Variants in SLC52A3 observed in about 807,000 individuals in gnomAD.
The protein encoded by SLC52A3 is solute carrier family 52 member 3.
Under a neutral mutation model 29.5 loss-of-function variants are expected in SLC52A3, and 20 were observed. That is an observed-to-expected ratio of 0.68 (90% CI 0.48 to 0.99). SLC52A3 has a LOEUF of 0.99. Among genes scored for constraint, SLC52A3 ranks in the 50% least tolerant of loss-of-function variants. SLC52A3 has a pLI of 0.00. For synonymous variants in SLC52A3, 301 were observed against 271.0 expected (o/e 1.11, Z -1.09); for missense variants, 548 against 612.9 (o/e 0.89, Z 1.12).
intron 2 of SLC52A3, among the ~76,000 whole-genome samples, chr20:764,844 C>T (rs927894827): frequency 3.9e-5 from 6 of 152,182 alleles, no homozygotes; most frequent in Admixed American, 2.0e-4. Flanking sequence ...TGGCCTTTAT[C>T]ACCCGAGGAA....
At chr20:774,175 C>A (rs1986939840) in intron 1 of SLC52A3, among the ~76,000 whole-genome samples, 1 of 152,244 alleles carries the variant, frequency 6.6e-6, no homozygotes, top group Admixed American at 6.5e-5. Flanking sequence ...CAGGGATAAT[C>A]TGCCAGCTGG....
rs764423710 is a variant in SLC52A3, at chr20:761,626, C to T, written c.1197+75G>A. 2.7e-4 allele frequency: 433 copies of T among 1,594,164 alleles called. 2 individuals carry two copies. Among genetic ancestry groups the T allele is most frequent in the Admixed American group, 8.9e-5 (5 of 56,348 alleles). On this transcript the variant is annotated intron_variant, in intron 4 of 4. Transcript: ENST00000645534. ...AGACCCCGCTCGCTGGAAAGGGCCG[C>T]GCCCAAGCTCTCCCAGGCCTTGGCT...
chr20:761,096 A>AT lies in SLC52A3; in HGVS notation c.1339dup (p.Met447AsnfsTer60), dbSNP rs1986450542. The AT allele has an allele frequency of 6.2e-7, 1 of 1,608,658 alleles. No individual in the cohort carries two copies. The highest frequency in any genetic ancestry group is 8.5e-7 in the Non-Finnish European group (1 of 1,178,254). On this transcript the variant is annotated frameshift_variant, in exon 5 of 5. Transcript: ENST00000645534. LOFTEE classifies it high-confidence loss of function. ...CCGCAGCACGTTGACCAGAGGGAAC[A>AT]TGAGCAGCGCTCCGAGCAGCGAGCC... is the stretch of plus-strand genomic sequence containing the variant.
intron 3 of SLC52A3, among the ~76,000 whole-genome samples, chr20:763,111 G>A (rs572064400): frequency 6.6e-6 from 1 of 152,182 alleles, no homozygotes; most frequent in Non-Finnish European, 1.5e-5. Flanking sequence ...AAGCCTCAGG[G>A]TTTCCCCTTA....
chr20:761,314 G>C (rs777993030), intron 4 of SLC52A3, 76 bp from the exon 5 acceptor site: 850 of 1,418,876 alleles, frequency 6.0e-4, no homozygotes, highest in Non-Finnish European at 7.5e-4. Context: ...ACTCTCACAG[G>C]GCTCAGGGGA....
chr20:777,944 A>G (rs1253896519), upstream of SLC52A3, among the ~76,000 whole-genome samples: 1 of 152,142 alleles, frequency 6.6e-6, no homozygotes, highest in East Asian at 1.9e-4. Context: ...TCTATCAAGG[A>G]AATCTACATT....
Position 765,594 on chromosome 20 carries a change from G to C in SLC52A3, c.181C>G (p.Leu61Val). The C allele has an allele frequency of 6.3e-7, 1 of 1,592,468 alleles. No individual in the cohort carries two copies. The highest frequency in any genetic ancestry group is 8.5e-7 in the Non-Finnish European group (1 of 1,170,060). Residue 61 changes from leucine to valine, a missense_variant, in exon 2 of 5, where the codon CTC becomes GTC. Leu to Val is a conservative substitution (Grantham distance 32, BLOSUM62 1). This residue lies in a region of SLC52A3 where 375 missense variants were observed against 471.1 expected (regional missense o/e 0.80). Coordinates refer to ENST00000645534, the MANE Select transcript of SLC52A3 (RefSeq NM_033409.4). The surrounding 1 kb of genome is among the most constrained non-coding windows in gnomAD (Gnocchi z 6.6). ...AGGCAGCTGGGCCGGAAGTGATGGA[G>C]CAGGGTGACCAGGAGGGGCCCGATG... ...ANIGPLLVTL[L>V]HHFRPSCLSE...
In SLC52A3 at chr20:761,018, C is replaced by T. The variant is rs1463046611; in HGVS notation, c.*8G>A. ...CCGTGAGCGATGGGGGCGGGGTCGG[C>T]GGCCTGCCTAGGCTGGACAGTGCAG... On this transcript the variant is annotated 3_prime_UTR_variant, in exon 5 of 5. Transcript: ENST00000645534. 3.1e-6 allele frequency: 5 copies of T among 1,594,488 alleles called. No individual in the cohort carries two copies. Among genetic ancestry groups the T allele is most frequent in the African/African-American group, 2.7e-5 (2 of 74,264 alleles).
chr20:777,300 T>C (rs373332945), upstream of SLC52A3, among the ~76,000 whole-genome samples: 49 of 150,948 alleles, frequency 3.2e-4, 3 homozygotes, highest in East Asian at 5.3e-3. Flanking sequence ...TGGAAAGATA[T>C]CTCAAAAGGC....
intron 3 of SLC52A3, among the ~76,000 whole-genome samples, chr20:762,772 CCTT>C (rs1301346776): frequency 6.6e-6 from 1 of 152,182 alleles, no homozygotes; most frequent in Non-Finnish European, 1.5e-5. Context: ...TCCTCACTGT[CCTT>C]CTTCTGGGCT....
At chr20:771,317 C>A (rs1422195417), upstream of SLC52A3, among the ~76,000 whole-genome samples, 1 of 152,168 alleles carries the variant, frequency 6.6e-6, no homozygotes, top group Admixed American at 6.5e-5. Context: ...ATTCTAGCTA[C>A]TCGGGAGGCT....
Position 761,170 on chromosome 20 carries a change from G to T in SLC52A3, c.1266C>A (p.Arg422=), listed in dbSNP as rs948343485. 2.5e-6 allele frequency: 4 copies of T among 1,576,092 alleles called. No individual in the cohort carries two copies. In the African/African-American group the frequency reaches 5.4e-5, roughly 21 times the overall value. The change falls in exon 5 of 5, where the codon CGC becomes CGA. Residue 422 remains arginine, a synonymous_variant. Coordinates refer to ENST00000645534, the MANE Select transcript of SLC52A3 (RefSeq NM_033409.4). ...YVKVMLGVVL[R]DLSRSALLWC... is the part of the protein sequence containing the mutation. ...ACAAGAGGGCGCTGCGGCTGAGGTCGCGCAGGACCACGCCCAGCATCACCT... is the reference window on the plus strand; with the variant it reads ...ACAAGAGGGCGCTGCGGCTGAGGTCTCGCAGGACCACGCCCAGCATCACCT...
At chr20:767,652 G>A (rs1216262245) in intron 1 of SLC52A3, among the ~76,000 whole-genome samples, 1 of 152,146 alleles carries the variant, frequency 6.6e-6, no homozygotes, top group Non-Finnish European at 1.5e-5. Context: ...ACCGCTCCTG[G>A]CCCTGCCTCT....
Position 768,447 on chromosome 20 carries a change from T to C in SLC52A3, c.-202A>G, listed in dbSNP as rs1395907108. 6.6e-6 allele frequency: 1 copy of C among 152,220 alleles called. No homozygotes were observed. The highest frequency in any genetic ancestry group is 6.5e-5 in the Admixed American group (1 of 15,280). 9.4% of individuals were successfully genotyped at this position (152,220 alleles called of 1,614,324 possible). Reference sequence around the variant, plus strand: ...AAGCGGCCTGTCCGGGACTCCTCAGTTCACGCTGCAGTCTTTAACTCCATA... The same window carrying C: ...AAGCGGCCTGTCCGGGACTCCTCAGCTCACGCTGCAGTCTTTAACTCCATA... On this transcript the variant is annotated 5_prime_UTR_variant, in exon 1 of 5. Coordinates refer to ENST00000645534, the MANE Select transcript of SLC52A3 (RefSeq NM_033409.4).
chr20:770,077 T>C (rs1986803501), upstream of SLC52A3, among the ~76,000 whole-genome samples: 1 of 152,026 alleles, frequency 6.6e-6, no homozygotes, highest in Non-Finnish European at 1.5e-5. This position sits in a 1 kb window ranked among gnomAD's most constrained non-coding sequence, Gnocchi z 4.5. Context: ...GAAAAAAAAG[T>C]GCAGCTCGTT....
At chr20:779,392 C>A (rs552256939), upstream of SLC52A3, among the ~76,000 whole-genome samples, 23 of 152,270 alleles carry the variant, frequency 1.5e-4, no homozygotes, top group East Asian at 3.9e-3. Context: ...GAGGCCAACG[C>A]GGGTGGATCA....
intron 3 of SLC52A3, among the ~76,000 whole-genome samples, chr20:762,203 C>T (rs538556334): frequency 1.2e-3 from 187 of 152,360 alleles, no homozygotes; most frequent in South Asian, 2.5e-3. Context: ...GTGGGCCCAC[C>T]TGGTGTTTAC....
Position 763,696 on chromosome 20 carries a change from G to A in SLC52A3, c.875C>T (p.Ala292Val). 6.2e-7 allele frequency: 1 copy of A among 1,614,114 alleles called. No homozygotes were observed. The highest frequency in any genetic ancestry group is 1.7e-5 in the Admixed American group (1 of 60,022). Residue 292 changes from alanine (A) to valine (V), a missense_variant, in exon 3 of 5, where the codon GCA becomes GTA. Around this residue, in one of 2 missense-constraint regions of SLC52A3, gnomAD observed 375 missense variants for 471.1 expected, o/e 0.80. Coordinates refer to ENST00000645534, the MANE Select transcript of SLC52A3 (RefSeq NM_033409.4). The stretch of plus-strand genomic sequence containing the variant: ...CAGGTGCGCCGGGCAGCAGGGGGCT[G>A]CTTTCTCCTCTAGATACCCCTGGCC... Reference protein sequence around the residue: ...SQGQGYLEEKAAPCCPAHLAF... With the variant: ...SQGQGYLEEKVAPCCPAHLAF...
upstream of SLC52A3, among the ~76,000 whole-genome samples, chr20:773,197 G>A (rs1377762740): frequency 6.6e-6 from 1 of 152,182 alleles, no homozygotes. Flanking sequence ...AACCTTCGGA[G>A]GGTTAGGAAG....
Sources: gnomAD v4.1 joint callset for allele counts (sites outside exome capture counted in the v4.1 genomes callset) on GRCh38, gnomAD v4.1.1 for gene constraint, gnomAD v4.1.1 regional missense constraint, Gnocchi (gnomAD v3.1) non-coding constraint, MANE v1.5 for transcripts, NCBI Gene and HGNC (gene_info 2026-07-23, HGNC 2026-07-21) for gene names.